The following ARFGEF1 variants were observed in gnomAD, a reference collection of about 807,000 sequenced individuals.
ARFGEF1 encodes the protein ARF guanine nucleotide exchange factor 1.
ARFGEF1 carries 42 observed loss-of-function variants against 231.0 expected under a neutral mutation model. That is an observed-to-expected ratio of 0.18 (90% confidence interval 0.14 to 0.24). The LOEUF is 0.24. Ranked by LOEUF, ARFGEF1 falls within the 10% of genes least tolerant of loss-of-function variation. The pLI, the probability that ARFGEF1 is intolerant of heterozygous loss-of-function variation, is 1.00. For synonymous variants in ARFGEF1, 710 were observed against 732.3 expected (o/e 0.97, Z 0.49); for missense variants, 1,345 against 2,192.0 (o/e 0.61, Z 7.72).
At chr8:67,296,185 A>G (rs1294157595) in intron 5 of ARFGEF1, among the ~76,000 whole-genome samples, 1 of 152,222 alleles carries the variant, frequency 6.6e-6, no homozygotes, top group Non-Finnish European at 1.5e-5. Context: ...CACAAGGAAG[A>G]TGGCAATCAG....
chr8:67,250,598 A>C (rs150819786), intron 19 of ARFGEF1, among the ~76,000 whole-genome samples: 1 of 152,296 alleles, frequency 6.6e-6, no homozygotes, highest in Admixed American at 6.5e-5. Flanking sequence ...GTGTAGTTAG[A>C]ATCAGAGTGA....
At chr8:67,262,176 T>C (rs556305176) in intron 14 of ARFGEF1, among the ~76,000 whole-genome samples, 1 of 152,130 alleles carries the variant, frequency 6.6e-6, no homozygotes, top group African/African-American at 2.4e-5. Context: ...TTGTGACTCA[T>C]GGGAGGGGTA....
intron 5 of ARFGEF1, among the ~76,000 whole-genome samples, chr8:67,176,646 C>T (rs1370722267): frequency 6.6e-6 from 1 of 152,226 alleles, no homozygotes; most frequent in African/African-American, 2.4e-5. Flanking sequence ...GGGATTTTGG[C>T]AGCTTAGACT....
intron 13 of ARFGEF1, among the ~76,000 whole-genome samples, chr8:67,266,501 A>T (rs1455306964): frequency 6.6e-6 from 1 of 152,148 alleles, no homozygotes; most frequent in Non-Finnish European, 1.5e-5. Context: ...TTTCGATAAT[A>T]CCAGTGTAGC....
chr8:67,198,043 G>C lies in ARFGEF1; in HGVS notation c.*891C>G. The C allele has an allele frequency of 1.0e-6, 1 of 985,864 alleles. No individual in the cohort carries two copies. Among genetic ancestry groups the C allele is most frequent in the Non-Finnish European group, 1.2e-6 (1 of 829,932 alleles). 61.1% of individuals were successfully genotyped at this position (985,864 alleles called of 1,614,324 possible). A position where few individuals can be genotyped will look rare whatever the true frequency, so the allele number is the denominator to read the frequency against. On this transcript the variant is annotated 3_prime_UTR_variant, in exon 39 of 39. Coordinates refer to ENST00000262215, the MANE Select transcript of ARFGEF1 (RefSeq NM_006421.5). ...GACAGCAATCTGGATTCATTTTGCAGTGATTCAAGTTTTGGTCCATAAAGG... is the reference window on the plus strand; with the variant it reads ...GACAGCAATCTGGATTCATTTTGCACTGATTCAAGTTTTGGTCCATAAAGG...
In ARFGEF1 at chr8:67,200,301, ATC is replaced by A. The variant is rs780241187; in HGVS notation, c.5385+93_5385+94del. 3.4e-6 allele frequency: 3 copies of A among 883,038 alleles called. No homozygotes were observed. The Admixed American group carries it at 5.2e-5, about 15-fold the overall frequency. 54.7% of individuals were successfully genotyped at this position (883,038 alleles called of 1,614,324 possible). A position where few individuals can be genotyped will look rare whatever the true frequency, so the allele number is the denominator to read the frequency against. On this transcript the variant is annotated intron_variant, in intron 38 of 38. Transcript: ENST00000262215. ...GTGCAGCCTGGGCACTGCTTGATTC[ATC>A]TCTGAGAGCTCTTGCACGGCGGCTC...
At chr8:67,304,354 C>A (rs1002888681) in intron 1 of ARFGEF1, among the ~76,000 whole-genome samples, 3 of 152,176 alleles carry the variant, frequency 2.0e-5, no homozygotes, top group Non-Finnish European at 4.4e-5. Flanking sequence ...GTGAACCAAA[C>A]CCCTTTCCAT....
chr8:67,290,773 G>A (rs185084166), intron 6 of ARFGEF1, among the ~76,000 whole-genome samples: 5 of 152,270 alleles, frequency 3.3e-5, no homozygotes, highest in Admixed American at 6.5e-5. Context: ...CTAGACAAAT[G>A]TAAATCATTT....
At chr8:67,287,515 T>C (rs1805810990) in intron 7 of ARFGEF1, among the ~76,000 whole-genome samples, 1 of 152,210 alleles carries the variant, frequency 6.6e-6, no homozygotes. Context: ...CGGCTTCCAG[T>C]GAAATCACCA....
At chr8:67,210,073 T>C (rs1172475314) in intron 34 of ARFGEF1, among the ~76,000 whole-genome samples, 2 of 144,746 alleles carry the variant, frequency 1.4e-5, no homozygotes, top group Admixed American at 7.3e-5. Context: ...GAGAATGGCG[T>C]GAACCCGGGA....
intron 34 of ARFGEF1, among the ~76,000 whole-genome samples, chr8:67,206,481 CA>C (rs1482470678): frequency 7.8e-6 from 1 of 127,852 alleles, no homozygotes; most frequent in Non-Finnish European, 1.7e-5. Flanking sequence ...TGCAAAGTAA[CA>C]AAAGTGCCAC....
chr8:67,336,224 C>T (rs1808341599), intron 1 of ARFGEF1, among the ~76,000 whole-genome samples: 1 of 152,134 alleles, frequency 6.6e-6, no homozygotes, highest in Admixed American at 6.6e-5. Flanking sequence ...TTTCAAGAGC[C>T]TCTACTTATA....
chr8:67,193,479 AAT>A (rs750496112), downstream of ARFGEF1: 1 of 1,613,296 alleles, frequency 6.2e-7, no homozygotes, highest in Non-Finnish European at 8.5e-7. Context: ...CAGTCGTCCT[AAT>A]GTAGCACCAG....
At chr8:67,333,061 G>C (rs1808174921) in intron 1 of ARFGEF1, among the ~76,000 whole-genome samples, 2 of 139,124 alleles carry the variant, frequency 1.4e-5, no homozygotes, top group South Asian at 2.2e-4. Flanking sequence ...TTTTTGACAA[G>C]AGTCTCACTC....
At chr8:67,217,042 C>T (rs1388989275) in intron 32 of ARFGEF1, among the ~76,000 whole-genome samples, 1 of 150,854 alleles carries the variant, frequency 6.6e-6, no homozygotes, top group East Asian at 1.9e-4. Context: ...CGGTGGCTCA[C>T]GCCTGTAATC....
At chr8:67,300,169 T>A (rs903012549) in intron 3 of ARFGEF1, among the ~76,000 whole-genome samples, 1 of 152,200 alleles carries the variant, frequency 6.6e-6, no homozygotes, top group Non-Finnish European at 1.5e-5. Context: ...CAGTATACCC[T>A]GGAAGGAAGG....
chr8:67,224,477 T>C (rs1259350725), intron 29 of ARFGEF1, among the ~76,000 whole-genome samples: 4 of 152,196 alleles, frequency 2.6e-5, no homozygotes, highest in African/African-American at 9.7e-5. Flanking sequence ...TTCCAAACTA[T>C]GTTACTGACC....
intron 1 of ARFGEF1, among the ~76,000 whole-genome samples, chr8:67,315,075 T>C (rs1807244459): frequency 6.6e-6 from 1 of 151,810 alleles, no homozygotes; most frequent in South Asian, 2.1e-4. Flanking sequence ...AGGATGAAAG[T>C]AAACAGATGG....
At position 67,259,804 on chromosome 8, in the gene ARFGEF1, G is replaced by C; in HGVS notation, c.2235+11C>G. 1 of 1,524,020 alleles carries C rather than the reference G, an allele frequency of 6.6e-7. No individual in the cohort carries two copies. Among genetic ancestry groups the C allele is most frequent in the Non-Finnish European group, 8.9e-7 (1 of 1,118,332 alleles). 94.4% of individuals were successfully genotyped at this position (1,524,020 alleles called of 1,614,324 possible). On this transcript the variant is annotated intron_variant, in intron 15 of 38. Coordinates refer to ENST00000262215, the MANE Select transcript of ARFGEF1 (RefSeq NM_006421.5). ...TTACAGAAAAGGTTAGAATGAAAATGGTATTCTTACAGAGTCTAATCTTTC... is the reference window on the plus strand; with the variant it reads ...TTACAGAAAAGGTTAGAATGAAAATCGTATTCTTACAGAGTCTAATCTTTC...
Sources: gnomAD v4.1 joint callset for allele counts (sites outside exome capture counted in the v4.1 genomes callset) on GRCh38, gnomAD v4.1.1 for gene constraint, MANE v1.5 for transcripts, NCBI Gene and HGNC (gene_info 2026-07-23, HGNC 2026-07-21) for gene names.